NELFA: variants seen among roughly 807,000 people sequenced by gnomAD.
NELFA encodes negative elongation factor complex member A.
Under a neutral mutation model 51.8 loss-of-function variants are expected in NELFA, and 35 were observed. That is an observed-to-expected ratio of 0.68 (90% CI 0.52 to 0.90). The LOEUF (loss-of-function observed/expected upper bound fraction) is 0.90. Ranked by LOEUF, NELFA falls within the 40% of genes least tolerant of loss-of-function variation. The probability of loss-of-function intolerance (pLI) is 0.00; values close to 1 mark genes in which losing one functional copy is unlikely to be tolerated. For synonymous variants in NELFA, 417 were observed against 338.4 expected, an observed-to-expected ratio of 1.23 and a Z score of -2.55; for missense variants, 658 against 746.4, an observed-to-expected ratio of 0.88 and a Z score of 1.38.
intron 1 of NELFA, among the ~76,000 whole-genome samples, chr4:1,996,327 G>C (rs1253105877): frequency 6.6e-6 from 1 of 152,182 alleles, no homozygotes; most frequent in Admixed American, 6.5e-5. Context: ...ATAGTGTGAC[G>C]ATACAGTTCT....
chr4:2,001,307 C>A (rs1250332710), intron 1 of NELFA, among the ~76,000 whole-genome samples: 4 of 152,104 alleles, frequency 2.6e-5, no homozygotes, highest in Non-Finnish European at 5.9e-5. Flanking sequence ...GGCAATTAGG[C>A]AAGAGAAAGA....
chr4:1,997,855 C>A (rs928249586), intron 1 of NELFA, among the ~76,000 whole-genome samples: 7 of 152,148 alleles, frequency 4.6e-5, no homozygotes, highest in Non-Finnish European at 7.3e-5. Flanking sequence ...GGTTGTCAGA[C>A]ACCCTATACA....
In NELFA at chr4:2,003,423, G is replaced by A. The variant is rs117964413; in HGVS notation, c.210+5327C>T. ...AAATCATTCTGCTATAAAGACACAC[G>A]TACAGGTATGTTTACTGCAGCACTG... On this transcript the variant is annotated intron_variant, in intron 1 of 10. Coordinates refer to ENST00000382882, the MANE Select transcript of NELFA (RefSeq NM_005663.5). 1.9e-3 allele frequency among the ~76,000 whole-genome samples: 285 copies of A among 152,280 alleles called. 4 individuals carry two copies. The East Asian group carries it at 0.038, about 20-fold the overall frequency.
chr4:1,990,434 G>A, intron 2 of NELFA: 1 of 456,736 alleles, frequency 2.2e-6, no homozygotes, highest in South Asian at 1.5e-5. Flanking sequence ...AAAAAGCACA[G>A]GCAGGCACAT....
intron 1 of NELFA, chr4:1,992,124 C>G (rs1728288377): frequency 4.5e-6 from 1 of 219,964 alleles, no homozygotes; most frequent in Non-Finnish European, 9.2e-6. Context: ...GTGCCCGGCA[C>G]AGCAGAGCGC....
intron 1 of NELFA, among the ~76,000 whole-genome samples, chr4:2,002,788 A>C (rs186729998): frequency 8.0e-4 from 122 of 152,326 alleles, no homozygotes; most frequent in African/African-American, 2.9e-3. Context: ...TCCTAGAAGA[A>C]AACCTAGGCA....
In NELFA at chr4:1,982,993, AAAGT is replaced by A. The variant is rs79731458; in HGVS notation, c.*322_*325del. ...CGAGGGAAAATAGAAAAGATTTTAAAAAGTAAGAGTCTAACAGGCAGAGCTGTCA... is the reference window on the plus strand; with the variant it reads ...CGAGGGAAAATAGAAAAGATTTTAAAAAGAGTCTAACAGGCAGAGCTGTCA... On this transcript the variant is annotated 3_prime_UTR_variant, in exon 11 of 11. Transcript: ENST00000382882. 2,324 of 200,962 alleles carry A rather than the reference AAAGT, an allele frequency of 0.012. 30 individuals are homozygous for A. The highest frequency in any genetic ancestry group is 0.013 in the Non-Finnish European group (1,352 of 101,918). The allele number at this position is 200,962 out of a possible 1,614,324, so 12.4% of individuals were successfully genotyped here.
chr4:1,993,034 C>T (rs573059483), intron 1 of NELFA, among the ~76,000 whole-genome samples: 2 of 152,340 alleles, frequency 1.3e-5, no homozygotes, highest in Non-Finnish European at 2.9e-5. Flanking sequence ...CTGCAGGAAG[C>T]GCTGCGCACA....
chr4:2,004,748 A>G (rs892607664), intron 1 of NELFA, among the ~76,000 whole-genome samples: 1 of 150,174 alleles, frequency 6.7e-6, no homozygotes, highest in African/African-American at 2.5e-5. Context: ...TTGGCCTCCC[A>G]AAGTGCTGAG....
In NELFA at chr4:1,986,148, A is replaced by G; in HGVS notation, c.801T>C (p.Ala267=). The G allele has an allele frequency of 1.3e-6, 2 of 1,554,924 alleles. No homozygotes were observed. Among genetic ancestry groups the G allele is most frequent in the South Asian group, 2.4e-5 (2 of 84,318 alleles). The change falls in exon 6 of 11, where the codon GCT becomes GCC. Residue 267 remains alanine (A), a synonymous_variant. Coordinates refer to ENST00000382882, the MANE Select transcript of NELFA (RefSeq NM_005663.5). ...TCCTTCTCCGCTTCGCCTCTCGGCC[A>G]GCGCCAACCATATCCAGCTCAGAGA... The part of the protein sequence containing the change: ...LDISELDMVG[A]GREAKRRRKT...
chr4:2,000,978 G>C (rs537983831), intron 1 of NELFA, among the ~76,000 whole-genome samples: 1 of 152,316 alleles, frequency 6.6e-6, no homozygotes, highest in East Asian at 1.9e-4. Context: ...GGGATGCAAG[G>C]CTGGTTCAAC....
chr4:2,000,028 C>G (rs1462898462), intron 1 of NELFA, among the ~76,000 whole-genome samples: 1 of 152,010 alleles, frequency 6.6e-6, no homozygotes. Context: ...GACTCCTGGA[C>G]AAATAATGAA....
At chr4:1,991,079 G>A (rs990827521) in intron 2 of NELFA, among the ~76,000 whole-genome samples, 2 of 152,252 alleles carry the variant, frequency 1.3e-5, no homozygotes, top group Non-Finnish European at 2.9e-5. Flanking sequence ...GGTTACAGGA[G>A]TGAGCCACGG....
chr4:1,987,326 GGTGA>G (rs991339172), intron 4 of NELFA, among the ~76,000 whole-genome samples: 3 of 152,198 alleles, frequency 2.0e-5, no homozygotes, highest in African/African-American at 7.2e-5. Flanking sequence ...CACCCTCTGG[GGTGA>G]GTATGCCCTG....
At chr4:1,985,934 G>A (rs1577612410) in intron 6 of NELFA, 70 bp from the exon 7 acceptor site, 2 of 1,427,670 alleles carry the variant, frequency 1.4e-6, no homozygotes, top group South Asian at 1.3e-5. Context: ...GCAGCGGCAG[G>A]GAATCAAACA....
rs770514210 is a variant in NELFA at position 2,008,912 on chromosome 4, C to T, written c.48G>A (p.Lys16=). 2.5e-6 allele frequency: 4 copies of T among 1,580,836 alleles called. No individual in the cohort carries two copies. The highest frequency in any genetic ancestry group is 2.7e-5 in the African/African-American group (2 of 74,510). Residue 16 remains lysine (K), a synonymous_variant, in exon 1 of 11, where the codon AAG becomes AAA. Transcript: ENST00000382882. The part of the protein sequence containing the change: ...ESDTGLWLHN[K]LGATDELWAP... The stretch of plus-strand genomic sequence containing the variant: ...CCCACAGCTCGTCCGTGGCCCCCAG[C>T]TTGTTGTGCAGCCACAGGCCCGTGT...
In NELFA at chr4:1,986,159, T is replaced by C; in HGVS notation, c.790A>G (p.Met264Val). Residue 264 changes from methionine to valine, a missense_variant, in exon 6 of 11, where the codon ATG (methionine) becomes GTG (valine). By Grantham distance (21) the Met-to-Val change is conservative (BLOSUM62 1). Transcript: ENST00000382882. ...VKLLDISELD[M>V]VGAGREAKRR... ...TTCGCCTCTCGGCCAGCGCCAACCATATCCAGCTCAGAGATGTCCAGCAGC... is the reference window on the plus strand; with the variant it reads ...TTCGCCTCTCGGCCAGCGCCAACCACATCCAGCTCAGAGATGTCCAGCAGC... The C allele has an allele frequency of 1.9e-6, 3 of 1,556,144 alleles. No individual in the cohort carries two copies. Among genetic ancestry groups the C allele is most frequent in the Non-Finnish European group, 2.6e-6 (3 of 1,150,236 alleles).
intron 4 of NELFA, chr4:1,986,673 G>A (rs993362737): frequency 1.1e-5 from 5 of 438,396 alleles, no homozygotes; most frequent in Non-Finnish European, 2.1e-5. Context: ...TCTCTCACCA[G>A]TGTGGCGGGG....
intron 3 of NELFA, among the ~76,000 whole-genome samples, chr4:1,988,562 C>CT (rs1728181957): frequency 6.6e-6 from 1 of 152,234 alleles, no homozygotes; most frequent in South Asian, 2.1e-4. Flanking sequence ...TGCACGGAGC[C>CT]TCCCGGACAG....
Sources: allele counts gnomAD v4.1 joint callset (sites outside exome capture counted in the v4.1 genomes callset), GRCh38; gene constraint gnomAD v4.1.1; transcripts MANE v1.5; gene names NCBI Gene and HGNC (gene_info 2026-07-23, HGNC 2026-07-21).